SNTG1: variants seen among roughly 807,000 people sequenced by gnomAD.
SNTG1 encodes the protein gamma-1-syntrophin.
A neutral mutation model predicts 74.7 loss-of-function variants in SNTG1; 39 were observed. That is an observed-to-expected ratio of 0.52 (90% CI 0.40 to 0.68). The LOEUF is 0.68. Ranked by LOEUF, SNTG1 falls within the 30% of genes least tolerant of loss-of-function variation. SNTG1 has a pLI of 0.00. For missense variants in SNTG1, 685 were observed against 609.5 expected (o/e 1.12, Z -1.30); for synonymous variants, 254 against 217.1 (o/e 1.17, Z -1.49).
intron 2 of SNTG1, among the ~76,000 whole-genome samples, chr8:50,335,587 C>G (rs1022912623): frequency 3.9e-5 from 6 of 152,120 alleles, no homozygotes; most frequent in Admixed American, 2.6e-4. Flanking sequence ...ATGGTTGAAT[C>G]AAATCCTTCT....
chr8:50,553,387 C>T (rs1273050287), intron 12 of SNTG1, among the ~76,000 whole-genome samples: 1 of 152,108 alleles, frequency 6.6e-6, no homozygotes, highest in African/African-American at 2.4e-5. Context: ...CATTAACAAG[C>T]ATTATAAACC....
chr8:50,242,865 T>G (rs1586819017), intron 2 of SNTG1, among the ~76,000 whole-genome samples: 1 of 151,824 alleles, frequency 6.6e-6, no homozygotes, highest in African/African-American at 2.4e-5. Context: ...TACCTTTTAT[T>G]TATTTATGTG....
At chr8:50,062,896 A>G (rs1820596281) in intron 1 of SNTG1, among the ~76,000 whole-genome samples, 1 of 152,254 alleles carries the variant, frequency 6.6e-6, no homozygotes, top group Non-Finnish European at 1.5e-5. Context: ...TTGTGAATCT[A>G]GTCAAATTAA....
At chr8:49,988,708 A>G (rs1813401612) in intron 1 of SNTG1, among the ~76,000 whole-genome samples, 1 of 152,122 alleles carries the variant, frequency 6.6e-6, no homozygotes, top group Admixed American at 6.5e-5. Context: ...TGCACAAAAT[A>G]CTTTGATATA....
At chr8:50,568,455 G>GT (rs1488089991) in intron 12 of SNTG1, among the ~76,000 whole-genome samples, 1 of 152,036 alleles carries the variant, frequency 6.6e-6, no homozygotes, top group Non-Finnish European at 1.5e-5. Flanking sequence ...CCCACCACTG[G>GT]TGTGTGAGGG....
intron 2 of SNTG1, among the ~76,000 whole-genome samples, chr8:50,202,116 G>A (rs1013389593): frequency 6.6e-6 from 1 of 152,044 alleles, no homozygotes; most frequent in African/African-American, 2.4e-5. Context: ...CCCCATCAAT[G>A]AGGTTGTTTC....
At chr8:50,185,271 C>A (rs118113653) in intron 2 of SNTG1, among the ~76,000 whole-genome samples, 4 of 152,344 alleles carry the variant, frequency 2.6e-5, no homozygotes, top group Non-Finnish European at 5.9e-5. Context: ...ATAACCCCTG[C>A]TGGCACTCAT....
At chr8:50,214,519 T>C (rs2084682971) in intron 2 of SNTG1, among the ~76,000 whole-genome samples, 1 of 152,156 alleles carries the variant, frequency 6.6e-6, no homozygotes, top group South Asian at 2.1e-4. Context: ...GACTGGATGA[T>C]ACAACAGTTT....
At chr8:50,592,149 G>A (rs2094696080) in intron 13 of SNTG1, among the ~76,000 whole-genome samples, 1 of 152,162 alleles carries the variant, frequency 6.6e-6, no homozygotes, top group Admixed American at 6.6e-5. Flanking sequence ...GGTTCCAGTA[G>A]AGGGAAAATG....
At chr8:50,792,028 A>G (rs1472690486) in intron 18 of SNTG1, among the ~76,000 whole-genome samples, 1 of 151,712 alleles carries the variant, frequency 6.6e-6, no homozygotes, top group Non-Finnish European at 1.5e-5. Flanking sequence ...TTTGGTATTT[A>G]AATGAGAAAC....
Position 50,505,505 on chromosome 8 carries a change from G to GT in SNTG1, c.466+2632dup, listed in dbSNP as rs1204502235. Reference sequence around the variant, plus strand: ...TCCTCACCAGCACTTCTTATTTTCTGTTTTTTTGCTTTGTTTTGTTTTGGT... The same window carrying GT: ...TCCTCACCAGCACTTCTTATTTTCTGTTTTTTTTGCTTTGTTTTGTTTTGGT... On this transcript the variant is annotated intron_variant, in intron 9 of 18. Transcript: ENST00000642720. Among the ~76,000 whole-genome samples the GT allele has an allele frequency of 4.0e-5, 6 of 151,864 alleles. No individual in the cohort carries two copies. The East Asian group carries it at 5.8e-4, about 15-fold the overall frequency.
chr8:50,304,527 A>G (rs965336818), intron 2 of SNTG1, among the ~76,000 whole-genome samples: 5 of 152,224 alleles, frequency 3.3e-5, no homozygotes, highest in Admixed American at 1.3e-4. Context: ...ACAAAGATAG[A>G]AAAGTTAAAA....
intron 17 of SNTG1, among the ~76,000 whole-genome samples, chr8:50,744,288 A>G (rs899914126): frequency 1.9e-4 from 29 of 152,060 alleles, no homozygotes; most frequent in African/African-American, 7.0e-4. Context: ...TCTATACACT[A>G]ACAATGAATA....
intron 9 of SNTG1, among the ~76,000 whole-genome samples, chr8:50,505,191 A>G (rs2093996058): frequency 6.6e-6 from 1 of 152,144 alleles, no homozygotes; most frequent in Non-Finnish European, 1.5e-5. Context: ...AATGAATAAC[A>G]TTCTTTCATA....
At chr8:50,509,032 T>C (rs2094038375) in intron 9 of SNTG1, among the ~76,000 whole-genome samples, 1 of 152,220 alleles carries the variant, frequency 6.6e-6, no homozygotes, top group South Asian at 2.1e-4. Flanking sequence ...TAGGTTTTCT[T>C]CTAGGGTTTT....
chr8:50,110,014 T>C (rs1158629432), intron 1 of SNTG1, among the ~76,000 whole-genome samples: 2 of 152,182 alleles, frequency 1.3e-5, no homozygotes. Flanking sequence ...TTACTCTCTG[T>C]TGATACGCAT....
At chr8:50,162,558 TCA>T (rs1491115631) in intron 1 of SNTG1, among the ~76,000 whole-genome samples, 4 of 78,088 alleles carry the variant, frequency 5.1e-5, no homozygotes, top group Non-Finnish European at 7.3e-5. Flanking sequence ...AGACTCTGTC[TCA>T]AAAAAAAAAA....
At chr8:50,609,207 T>C (rs78922614) in intron 13 of SNTG1, among the ~76,000 whole-genome samples, 9,764 of 152,136 alleles carry the variant, frequency 0.064, 849 homozygotes, top group African/African-American at 0.2. Context: ...TCGGACTTCG[T>C]TAAGTATTTC....
intron 8 of SNTG1, among the ~76,000 whole-genome samples, chr8:50,484,039 C>G (rs1398789245): frequency 6.6e-6 from 1 of 152,020 alleles, no homozygotes; most frequent in Non-Finnish European, 1.5e-5. Flanking sequence ...ATGTATGAGG[C>G]TTTAAGTAAA....
Sources: gnomAD v4.1 joint callset for allele counts (sites outside exome capture counted in the v4.1 genomes callset) on GRCh38, gnomAD v4.1.1 for gene constraint, MANE v1.5 for transcripts, NCBI Gene and HGNC (gene_info 2026-07-23, HGNC 2026-07-21) for gene names.